Variants in DMBX1 observed in about 807,000 individuals in gnomAD.
The protein encoded by DMBX1 is diencephalon/mesencephalon homeobox 1, also known as diencephalon/mesencephalon homeobox protein 1.
DMBX1 carries 7 observed loss-of-function variants against 30.4 expected under a neutral mutation model. That is an observed-to-expected ratio of 0.23 (90% CI 0.13 to 0.43). The LOEUF is 0.43. Ranked by LOEUF, DMBX1 falls within the 20% of genes least tolerant of loss-of-function variation. The probability of loss-of-function intolerance (pLI) is 1.00; values close to 1 mark genes in which losing one functional copy is unlikely to be tolerated. For missense variants in DMBX1, 460 were observed against 508.5 expected (o/e 0.90, Z 0.92); for synonymous variants, 222 against 214.2 (o/e 1.04, Z -0.32).
rs1467983012 is a variant in DMBX1, at chr1:46,510,289, G to A, written c.155-187G>A. On this transcript the variant is annotated intron_variant, in intron 3 of 5. Coordinates refer to ENST00000360032, the MANE Select transcript of DMBX1 (RefSeq NM_172225.2). This position sits in a 1 kb window ranked among gnomAD's most constrained non-coding sequence, Gnocchi z 4.1. Reference sequence around the variant, plus strand: ...TGGTCCTGATAGTGCATAATGGGGTGGAGAGACCTTGAAAGCCCACAGCCA... The same window carrying A: ...TGGTCCTGATAGTGCATAATGGGGTAGAGAGACCTTGAAAGCCCACAGCCA... Among the ~76,000 whole-genome samples the A allele has an allele frequency of 1.3e-5, 2 of 152,160 alleles. No homozygotes were observed. Among genetic ancestry groups the A allele is most frequent in the African/African-American group, 4.8e-5 (2 of 41,432 alleles).
intron 2 of DMBX1, among the ~76,000 whole-genome samples, chr1:46,506,473 A>G (rs911240643): frequency 2.0e-5 from 3 of 152,258 alleles, no homozygotes; most frequent in African/African-American, 7.2e-5. Flanking sequence ...TGAGTGAATC[A>G]ATGAAGGTAA....
intron 2 of DMBX1, among the ~76,000 whole-genome samples, chr1:46,494,766 T>G (rs1219535394): frequency 2.6e-5 from 4 of 152,158 alleles, no homozygotes; most frequent in Non-Finnish European, 2.9e-5. Flanking sequence ...CTGCCTGCCA[T>G]GCATAGCTCC....
At chr1:46,494,837 G>A (rs1240992163) in intron 2 of DMBX1, among the ~76,000 whole-genome samples, 1 of 150,442 alleles carries the variant, frequency 6.6e-6, no homozygotes, top group African/African-American at 2.5e-5. Context: ...CAGATTATTT[G>A]ACCCCCCACA....
intron 2 of DMBX1, among the ~76,000 whole-genome samples, chr1:46,500,407 G>T (rs1666101213): frequency 6.6e-6 from 1 of 152,098 alleles, no homozygotes; most frequent in Non-Finnish European, 1.5e-5. Context: ...TGGGGGAGGG[G>T]CATTCCAAAA....
intron 2 of DMBX1, among the ~76,000 whole-genome samples, chr1:46,494,516 A>T (rs988117234): frequency 6.6e-6 from 1 of 152,158 alleles, no homozygotes; most frequent in Non-Finnish European, 1.5e-5. Context: ...AACAGTTTGT[A>T]TAGGGAACTA....
chr1:46,501,154 C>T (rs1394474369), intron 2 of DMBX1, among the ~76,000 whole-genome samples: 1 of 151,148 alleles, frequency 6.6e-6, no homozygotes, highest in Non-Finnish European at 1.5e-5. Context: ...TCCCCCTTCC[C>T]TCTCTCTCTC....
chr1:46,515,475 G>C lies in DMBX1; in HGVS notation c.*2981G>C, dbSNP rs1666472384. Among the ~76,000 whole-genome samples the C allele has an allele frequency of 6.6e-6, 1 of 152,202 alleles. No homozygotes were observed. The highest frequency in any genetic ancestry group is 2.4e-5 in the African/African-American group (1 of 41,448). On this transcript the variant is annotated 3_prime_UTR_variant, in exon 6 of 6. Coordinates refer to ENST00000360032, the MANE Select transcript of DMBX1 (RefSeq NM_172225.2). ...GCAGGCCCACCTTAGGAGCAGCCGA[G>C]CTTCCCTCAGATGTTTGTTAACACT...
At chr1:46,504,965 A>G (rs1666203805) in intron 2 of DMBX1, among the ~76,000 whole-genome samples, 1 of 152,166 alleles carries the variant, frequency 6.6e-6, no homozygotes, top group African/African-American at 2.4e-5. Context: ...TTCTCAAAAG[A>G]AGACATTTAT....
intron 2 of DMBX1, among the ~76,000 whole-genome samples, chr1:46,506,433 T>C (rs78167829): frequency 0.011 from 1,737 of 152,360 alleles, 22 homozygotes; most frequent in Non-Finnish European, 0.017. Context: ...TGGGCCTCAA[T>C]GGATATTGGT....
chr1:46,499,045 T>G (rs1291314095), intron 2 of DMBX1, among the ~76,000 whole-genome samples: 3 of 151,006 alleles, frequency 2.0e-5, no homozygotes, highest in Admixed American at 6.6e-5. Context: ...TCTTTTCTTT[T>G]CTTTTTTTTT....
rs1666471316 is a variant in DMBX1 at position 46,515,432 on chromosome 1, G to A, written c.*2938G>A. On this transcript the variant is annotated 3_prime_UTR_variant, in exon 6 of 6. Coordinates refer to ENST00000360032, the MANE Select transcript of DMBX1 (RefSeq NM_172225.2). The stretch of plus-strand genomic sequence containing the variant: ...CTCCCCTGAACTCCTAAGGGGCAAT[G>A]TTCTGTCATGGCTGGAGGCAGGCCC... Among the ~76,000 whole-genome samples the A allele has an allele frequency of 6.6e-6, 1 of 152,230 alleles. No homozygotes were observed. The highest frequency in any genetic ancestry group is 2.4e-5 in the African/African-American group (1 of 41,468).
At chr1:46,499,334 C>G (rs1460976099) in intron 2 of DMBX1, among the ~76,000 whole-genome samples, 1 of 152,172 alleles carries the variant, frequency 6.6e-6, no homozygotes, top group Admixed American at 6.5e-5. Context: ...CCGCGCCCAG[C>G]AGAATGTGCT....
At chr1:46,511,712 G>A (rs1459343951) in intron 5 of DMBX1, among the ~76,000 whole-genome samples, 1 of 152,050 alleles carries the variant, frequency 6.6e-6, no homozygotes, top group Non-Finnish European at 1.5e-5. Context: ...GCAGGGAGGG[G>A]ACAGGGGCTG....
chr1:46,501,240 TTCTTTC>T (rs1217305004), intron 2 of DMBX1, among the ~76,000 whole-genome samples: 10 of 132,254 alleles, frequency 7.6e-5, no homozygotes, highest in African/African-American at 2.8e-4. Context: ...CTTTCTTTCT[TTCTTTC>T]TTTCTTTCTT....
Position 46,490,381 on chromosome 1 carries a change from G to A in DMBX1, c.-152-263G>A, listed in dbSNP as rs1056811007. 6.6e-5 allele frequency among the ~76,000 whole-genome samples: 10 copies of A among 152,218 alleles called. No individual in the cohort carries two copies. The East Asian group carries it at 1.9e-3, about 30-fold the overall frequency. ...CCCTGAAAAAAAAAATACAAAAAAG[G>A]TTTGGATATTAAGCGGAGACAAATC... is the stretch of plus-strand genomic sequence containing the variant. On this transcript the variant is annotated intron_variant, in intron 1 of 5. Transcript: ENST00000360032.
At chr1:46,501,434 C>T (rs1039666907) in intron 2 of DMBX1, among the ~76,000 whole-genome samples, 1 of 151,828 alleles carries the variant, frequency 6.6e-6, no homozygotes, top group African/African-American at 2.4e-5. Context: ...GTGTGGGTCA[C>T]CACACCCGGC....
Position 46,510,957 on chromosome 1 carries a change from C to A in DMBX1, c.356C>A (p.Ala119Asp). 1 of 1,607,758 alleles carries A rather than the reference C, an allele frequency of 6.2e-7. No individual in the cohort carries two copies. Among genetic ancestry groups the A allele is most frequent in the East Asian group, 2.2e-5 (1 of 44,776 alleles). The change falls in exon 5 of 6, where the codon GCC becomes GAC. Residue 119 changes from alanine to aspartate, a missense_variant. Coordinates refer to ENST00000360032, the MANE Select transcript of DMBX1 (RefSeq NM_172225.2). This position sits in a 1 kb window ranked among gnomAD's most constrained non-coding sequence, Gnocchi z 4.1. ...CAGGTGTGGTTCAAGAACCGCCGGG[C>A]CAAGTTCCGGAAGAAGCAGCGTAGC... is the stretch of plus-strand genomic sequence containing the variant. ...RVQVWFKNRRAKFRKKQRSLQ... is the reference protein window; with the variant it reads ...RVQVWFKNRRDKFRKKQRSLQ...
rs1337172926 is a variant in DMBX1, at chr1:46,515,871, A to G, written c.*3377A>G. The stretch of plus-strand genomic sequence containing the variant: ...GCCTCTCCCTGCTGTCTGAGTCTCC[A>G]TTTCTCTGTTTCCTCACTCCCTCAG... On this transcript the variant is annotated 3_prime_UTR_variant, in exon 6 of 6. Coordinates refer to ENST00000360032, the MANE Select transcript of DMBX1 (RefSeq NM_172225.2). Among the ~76,000 whole-genome samples the G allele has an allele frequency of 6.6e-6, 1 of 151,922 alleles. No individual in the cohort carries two copies. The highest frequency in any genetic ancestry group is 2.4e-5 in the African/African-American group (1 of 41,358).
chr1:46,511,984 C>T, intron 5 of DMBX1, 59 bp from the exon 6 acceptor site: 1 of 1,532,402 alleles, frequency 6.5e-7, no homozygotes, highest in Admixed American at 1.8e-5. Flanking sequence ...GAGTGCACCT[C>T]TCCTGGCAGA....
Sources: gnomAD v4.1 joint callset for allele counts (sites outside exome capture counted in the v4.1 genomes callset) on GRCh38, gnomAD v4.1.1 for gene constraint, Gnocchi (gnomAD v3.1) non-coding constraint, MANE v1.5 for transcripts, NCBI Gene and HGNC (gene_info 2026-07-23, HGNC 2026-07-21) for gene names.